The following CASZ1 variants were observed in gnomAD, a reference collection of about 807,000 sequenced individuals.
CASZ1 encodes the protein castor zinc finger 1.
CASZ1 carries 28 observed loss-of-function variants against 135.2 expected under a neutral mutation model. The observed-to-expected ratio is 0.21, with a 90% CI of 0.15 to 0.28. The LOEUF (loss-of-function observed/expected upper bound fraction) is 0.28. Ranked by LOEUF, CASZ1 falls within the 10% of genes least tolerant of loss-of-function variation. The probability of loss-of-function intolerance (pLI) is 1.00; values close to 1 mark genes in which losing one functional copy is unlikely to be tolerated. For synonymous variants in CASZ1, 1,068 were observed against 1,073.4 expected (o/e 0.99, Z 0.10); for missense variants, 2,161 against 2,453.3 (o/e 0.88, Z 2.52).
At position 10,638,913 on chromosome 1, in the gene CASZ1, G is replaced by A; in HGVS notation, c.*29C>T. 1.0e-6 allele frequency: 1 copy of A among 963,814 alleles called. No homozygotes were observed. Among genetic ancestry groups the A allele is most frequent in the Non-Finnish European group, 1.2e-6 (1 of 812,528 alleles). 59.7% of individuals were successfully genotyped at this position (963,814 alleles called of 1,614,324 possible). On this transcript the variant is annotated 3_prime_UTR_variant, in exon 21 of 21. Coordinates refer to ENST00000377022, the MANE Select transcript of CASZ1 (RefSeq NM_001079843.3). The surrounding 1 kb of genome is among the most constrained non-coding windows in gnomAD (Gnocchi z 5.9). ...CGCCGCTCCCGAGGCCGAGGCCGAG[G>A]CCGCCGCCAGGGCCACCCGCGGGCG...
In CASZ1 at chr1:10,685,198, G is replaced by A. The variant is rs186479802; in HGVS notation, c.16+8676C>T. ...TGGCAATGACTTCACCACTGCGGCC[G>A]GGCCCTGCAGGGGAGAAGGGCGGCC... On this transcript the variant is annotated intron_variant, in intron 4 of 20. Transcript: ENST00000377022. 3.9e-5 allele frequency among the ~76,000 whole-genome samples: 6 copies of A among 152,328 alleles called. No individual in the cohort carries two copies. The East Asian group carries it at 7.7e-4, about 20-fold the overall frequency.
At chr1:10,714,115 T>G (rs555835320) in intron 2 of CASZ1, among the ~76,000 whole-genome samples, 1 of 152,196 alleles carries the variant, frequency 6.6e-6, no homozygotes, top group Non-Finnish European at 1.5e-5. Flanking sequence ...GAGACCAGCC[T>G]GGCCAACATG....
intron 2 of CASZ1, among the ~76,000 whole-genome samples, chr1:10,744,202 T>C (rs1639993379): frequency 6.6e-6 from 1 of 150,502 alleles, no homozygotes; most frequent in Non-Finnish European, 1.5e-5. Flanking sequence ...CATTTAATCC[T>C]GAAACTTGCC....
Position 10,743,484 on chromosome 1 carries a change from G to A in CASZ1, c.-77+17217C>T, listed in dbSNP as rs932368848. On this transcript the variant is annotated intron_variant, in intron 2 of 20. Transcript: ENST00000377022. ...CTAAGTGTACCCCGGCATCCTCCACGTAGAGACCTGTACTCAGGGGGATGG... is the reference window on the plus strand; with the variant it reads ...CTAAGTGTACCCCGGCATCCTCCACATAGAGACCTGTACTCAGGGGGATGG... Among the ~76,000 whole-genome samples, 8 of 150,730 alleles carry A rather than the reference G, an allele frequency of 5.3e-5. No homozygotes were observed. In the East Asian group the frequency reaches 5.9e-4, roughly 11 times the overall value.
rs1639054182 is a variant in CASZ1, at chr1:10,701,251, G to A, written c.-24+4241C>T. On this transcript the variant is annotated intron_variant, in intron 3 of 20. Coordinates refer to ENST00000377022, the MANE Select transcript of CASZ1 (RefSeq NM_001079843.3). The surrounding 1 kb of genome is among the most constrained non-coding windows in gnomAD (Gnocchi z 6.3). ...GCCTCCTGCCCGGGTCCCTGGAGAGGAGGCTGCCCACCGTGGCAGCCGGGT... is the reference window on the plus strand; with the variant it reads ...GCCTCCTGCCCGGGTCCCTGGAGAGAAGGCTGCCCACCGTGGCAGCCGGGT... Among the ~76,000 whole-genome samples, 1 of 152,066 alleles carries A rather than the reference G, an allele frequency of 6.6e-6. No individual in the cohort carries two copies. The highest frequency in any genetic ancestry group is 1.5e-5 in the Non-Finnish European group (1 of 67,996).
rs757276818 is a variant in CASZ1 at position 10,697,945 on chromosome 1, G to T, written c.-23-4033C>A. Among the ~76,000 whole-genome samples, 1 of 152,244 alleles carries T rather than the reference G, an allele frequency of 6.6e-6. No individual in the cohort carries two copies. The highest frequency in any genetic ancestry group is 1.5e-5 in the Non-Finnish European group (1 of 68,052). On this transcript the variant is annotated intron_variant, in intron 3 of 20. Transcript: ENST00000377022. This position sits in a 1 kb window ranked among gnomAD's most constrained non-coding sequence, Gnocchi z 4.7. ...GGTGTCGGGAAAGCTGTGAGCCAGC[G>T]AAGTGGACGGGAAGCATGGGGGCCG...
chr1:10,640,049 G>T lies in CASZ1; in HGVS notation c.4173C>A (p.Ile1391=). 1.9e-6 allele frequency: 3 copies of T among 1,606,502 alleles called. No homozygotes were observed. The highest frequency in any genetic ancestry group is 2.5e-6 in the Non-Finnish European group (3 of 1,178,820). Residue 1391 remains isoleucine, a synonymous_variant, in exon 21 of 21, where the codon ATC becomes ATA. Coordinates refer to ENST00000377022, the MANE Select transcript of CASZ1 (RefSeq NM_001079843.3). ...GNESTAAGNT[I]SMPTASGAKK... ...TGGCCCCCGAGGCTGTCGGCATAGA[G>T]ATGGTGTTCCCTGGGGAGGGGCAGG...
chr1:10,652,359 C>T (rs1642621132), intron 11 of CASZ1: 2 of 152,418 alleles, frequency 1.3e-5, no homozygotes, highest in African/African-American at 4.8e-5. Flanking sequence ...CTGCTGGCTC[C>T]ACGGCGTGGG....
chr1:10,653,195 G>C (rs1437402364), intron 11 of CASZ1, 182 bp downstream of exon 11: 5 of 692,424 alleles, frequency 7.2e-6, no homozygotes, highest in Admixed American at 4.8e-5. Context: ...GCCAGAACCA[G>C]GGGCCCCACA....
At chr1:10,775,273 T>C (rs1057081849) in intron 1 of CASZ1, among the ~76,000 whole-genome samples, 1 of 152,068 alleles carries the variant, frequency 6.6e-6, no homozygotes, top group African/African-American at 2.4e-5. Flanking sequence ...CACCCAAAAC[T>C]CAAAATGAAA....
Position 10,700,138 on chromosome 1 carries a change from G to A in CASZ1, c.-24+5354C>T, listed in dbSNP as rs61776333. On this transcript the variant is annotated intron_variant, in intron 3 of 20. Transcript: ENST00000377022. The surrounding 1 kb of genome is among the most constrained non-coding windows in gnomAD (Gnocchi z 4.2). ...ACACAGAGTATGAAGCAGGGACCTG[G>A]GCTAGTTGGGTTGCCCTGTGGGCCT... Among the ~76,000 whole-genome samples the A allele has an allele frequency of 3.4e-3, 432 of 127,540 alleles. 4 individuals are homozygous for A. Among genetic ancestry groups the A allele is most frequent in the African/African-American group, 0.012 (406 of 33,382 alleles). The allele number at this position is 127,540 out of a possible 152,430, so 83.7% of individuals were successfully genotyped here.
rs529725653 is a variant in CASZ1 at position 10,793,933 on chromosome 1, C to A, written c.-234+2631G>T. 3.8e-3 allele frequency among the ~76,000 whole-genome samples: 575 copies of A among 152,262 alleles called. 2 individuals carry two copies. Among genetic ancestry groups the A allele is most frequent in the African/African-American group, 0.011 (471 of 41,564 alleles). On this transcript the variant is annotated intron_variant, in intron 1 of 20. Coordinates refer to ENST00000377022, the MANE Select transcript of CASZ1 (RefSeq NM_001079843.3). ...GGGCGGCCGGAGATTGCGCAGGTCG[C>A]GACGCCCGCCCGGGACGCACCGCCT...
chr1:10,710,915 G>C (rs1242538747), intron 2 of CASZ1, among the ~76,000 whole-genome samples: 1 of 152,262 alleles, frequency 6.6e-6, no homozygotes, highest in African/African-American at 2.4e-5. Flanking sequence ...CAGATCACCT[G>C]AGGTCAGGAG....
At chr1:10,640,574 G>C (rs1350693182) in intron 20 of CASZ1, among the ~76,000 whole-genome samples, 1 of 152,230 alleles carries the variant, frequency 6.6e-6, no homozygotes, top group East Asian at 1.9e-4. Context: ...GGGGTGCCAA[G>C]TGCCCCAGGG....
rs989011509 is a variant in CASZ1 at position 10,694,054 on chromosome 1, A to C, written c.-23-142T>G. On this transcript the variant is annotated intron_variant, in intron 3 of 20. Coordinates refer to ENST00000377022, the MANE Select transcript of CASZ1 (RefSeq NM_001079843.3). This position sits in a 1 kb window ranked among gnomAD's most constrained non-coding sequence, Gnocchi z 6.6. The stretch of plus-strand genomic sequence containing the variant: ...GGCGGGCGCCGAGGCCGCGGCGGAG[A>C]AACTTTCTCCTCCGCGCCGCCCGCT... 5.7e-6 allele frequency: 4 copies of C among 696,940 alleles called. No homozygotes were observed. In the African/African-American group the frequency reaches 7.8e-5, roughly 14 times the overall value. The allele number at this position is 696,940 out of a possible 1,614,324, so 43.2% of individuals were successfully genotyped here.
chr1:10,641,151 G>A (rs542590790), intron 20 of CASZ1, among the ~76,000 whole-genome samples: 81 of 152,356 alleles, frequency 5.3e-4, no homozygotes, highest in Non-Finnish European at 1.0e-3. Context: ...TAGGCCACCC[G>A]GAGTGGACAA....
rs1641016400 is a variant in CASZ1, at chr1:10,794,129, G to A, written c.-234+2435C>T. ...CAGCCGGGACAGCTCCCTTTAGGAC[G>A]GCGACGTGTGTGTGTGCGCGTGTGT... On this transcript the variant is annotated intron_variant, in intron 1 of 20. Coordinates refer to ENST00000377022, the MANE Select transcript of CASZ1 (RefSeq NM_001079843.3). This position sits in a 1 kb window ranked among gnomAD's most constrained non-coding sequence, Gnocchi z 5.6. 6.6e-6 allele frequency among the ~76,000 whole-genome samples: 1 copy of A among 152,014 alleles called. No individual in the cohort carries two copies. The highest frequency in any genetic ancestry group is 2.4e-5 in the African/African-American group (1 of 41,402).
rs781655058 is a variant in CASZ1, at chr1:10,788,470, C to T, written c.-234+8094G>A. Among the ~76,000 whole-genome samples the T allele has an allele frequency of 4.6e-5, 7 of 152,240 alleles. No individual in the cohort carries two copies. Among genetic ancestry groups the T allele is most frequent in the Admixed American group, 2.0e-4 (3 of 15,302 alleles). ...CCTTAGACTGCATTTATAAGATCTG[C>T]GAAACCCCTCAAAGTATAAGCAACA... On this transcript the variant is annotated intron_variant, in intron 1 of 20. Coordinates refer to ENST00000377022, the MANE Select transcript of CASZ1 (RefSeq NM_001079843.3). The surrounding 1 kb of genome is among the most constrained non-coding windows in gnomAD (Gnocchi z 4.1).
At chr1:10,696,275 G>A (rs1303774478) in intron 3 of CASZ1, among the ~76,000 whole-genome samples, 2 of 152,056 alleles carry the variant, frequency 1.3e-5, no homozygotes, top group Non-Finnish European at 2.9e-5. Context: ...ACTCCTGGCC[G>A]TCACACAGCC....
Sources: gnomAD v4.1 joint callset for allele counts (sites outside exome capture counted in the v4.1 genomes callset) on GRCh38, gnomAD v4.1.1 for gene constraint, Gnocchi (gnomAD v3.1) non-coding constraint, MANE v1.5 for transcripts, NCBI Gene and HGNC (gene_info 2026-07-23, HGNC 2026-07-21) for gene names.